The following LRRC4C variants were observed in gnomAD, a reference collection of about 807,000 sequenced individuals.
LRRC4C encodes leucine-rich repeat-containing protein 4C.
Under a neutral mutation model 33.6 loss-of-function variants are expected in LRRC4C, and 5 were observed. The observed-to-expected ratio is 0.15, with a 90% CI of 0.08 to 0.31. The LOEUF is 0.31. LRRC4C is among the 10% of genes least tolerant of loss of function. The pLI, the probability that LRRC4C is intolerant of heterozygous loss-of-function variation, is 1.00. For missense variants in LRRC4C, 560 were observed against 796.7 expected (o/e 0.70, Z 3.58); for synonymous variants, 329 against 302.0 (o/e 1.09, Z -0.93).
intron 1 of LRRC4C, among the ~76,000 whole-genome samples, chr11:41,266,788 G>A (rs1163368365): frequency 6.6e-6 from 1 of 152,138 alleles, no homozygotes; most frequent in Non-Finnish European, 1.5e-5. Context: ...GCTTGTAGGA[G>A]CAAGTCTCCC....
intron 1 of LRRC4C, among the ~76,000 whole-genome samples, chr11:41,100,096 T>C (rs969171059): frequency 6.6e-6 from 1 of 151,852 alleles, no homozygotes; most frequent in East Asian, 1.9e-4. Context: ...CCATTCACAA[T>C]TGCTACAAAA....
intron 3 of LRRC4C, among the ~76,000 whole-genome samples, chr11:40,543,913 T>C (rs1409648788): frequency 6.6e-6 from 1 of 152,088 alleles, no homozygotes; most frequent in Non-Finnish European, 1.5e-5. Context: ...TTTTATTTAT[T>C]TGAGAGTCCT....
intron 1 of LRRC4C, among the ~76,000 whole-genome samples, chr11:41,154,406 G>A (rs907726014): frequency 1.6e-4 from 24 of 151,776 alleles, no homozygotes; most frequent in East Asian, 1.9e-4. Context: ...ATAATAATTG[G>A]TATTTAGTTC....
At chr11:40,300,873 C>T (rs1416127682) in intron 4 of LRRC4C, among the ~76,000 whole-genome samples, 2 of 152,172 alleles carry the variant, frequency 1.3e-5, no homozygotes, top group South Asian at 2.1e-4. Context: ...ACAATCCTGG[C>T]TCACTACAGC....
chr11:41,250,742 T>A (rs934018513), intron 1 of LRRC4C, among the ~76,000 whole-genome samples: 5 of 152,200 alleles, frequency 3.3e-5, no homozygotes, highest in African/African-American at 7.2e-5. Flanking sequence ...CTCAAATTAA[T>A]GGCTCTGCTA....
chr11:40,860,011 G>A (rs1416233259), intron 2 of LRRC4C, among the ~76,000 whole-genome samples: 2 of 151,892 alleles, frequency 1.3e-5, no homozygotes, highest in Non-Finnish European at 2.9e-5. Context: ...GCGTGAACCC[G>A]GGAGGCGGAG....
intron 1 of LRRC4C, among the ~76,000 whole-genome samples, chr11:41,106,450 GA>G (rs34895102): frequency 0.44 from 64,950 of 146,610 alleles, 14,403 homozygotes; most frequent in South Asian, 0.6. Context: ...ATTTATCTAT[GA>G]AAAAAAAAAA....
intron 1 of LRRC4C, among the ~76,000 whole-genome samples, chr11:41,181,967 C>T (rs547098821): frequency 6.6e-6 from 1 of 152,096 alleles, no homozygotes; most frequent in Non-Finnish European, 1.5e-5. Context: ...ATTCCAGCAG[C>T]CATTAAAACT....
At chr11:40,898,453 TGA>T (rs1042508041) in intron 2 of LRRC4C, among the ~76,000 whole-genome samples, 9 of 151,720 alleles carry the variant, frequency 5.9e-5, no homozygotes, top group African/African-American at 2.2e-4. Context: ...CAGTTGTGCC[TGA>T]GATTGGTAAA....
At chr11:40,784,428 C>G (rs1433918524) in intron 2 of LRRC4C, among the ~76,000 whole-genome samples, 8 of 152,116 alleles carry the variant, frequency 5.3e-5, no homozygotes, top group African/African-American at 1.9e-4. Context: ...TGGGAAAGAG[C>G]TTGGAAAAGC....
intron 1 of LRRC4C, among the ~76,000 whole-genome samples, chr11:41,241,826 CT>C (rs1401393311): frequency 6.6e-6 from 1 of 152,152 alleles, no homozygotes. Context: ...TCTTTTCTCT[CT>C]GTTGTGCTCA....
intron 4 of LRRC4C, among the ~76,000 whole-genome samples, chr11:40,302,765 G>A (rs1944835706): frequency 6.6e-6 from 1 of 152,216 alleles, no homozygotes; most frequent in Non-Finnish European, 1.5e-5. Flanking sequence ...TCATTTCCCA[G>A]ACACACTTAT....
chr11:40,797,347 G>A (rs1025359426), intron 2 of LRRC4C, among the ~76,000 whole-genome samples: 2 of 152,080 alleles, frequency 1.3e-5, no homozygotes, highest in Non-Finnish European at 2.9e-5. Flanking sequence ...GCATCTGAGA[G>A]AAGAGATCCT....
intron 1 of LRRC4C, among the ~76,000 whole-genome samples, chr11:41,379,163 C>A (rs111365363): frequency 5.3e-5 from 8 of 152,216 alleles, no homozygotes; most frequent in Non-Finnish European, 1.2e-4. Flanking sequence ...GTGGAGCTCA[C>A]CTCTTTTGGA....
chr11:41,314,591 T>C (rs1332332592), intron 1 of LRRC4C, among the ~76,000 whole-genome samples: 2 of 152,078 alleles, frequency 1.3e-5, no homozygotes, highest in South Asian at 2.1e-4. Context: ...TAGGTGGGAA[T>C]TGAACAATGA....
intron 1 of LRRC4C, among the ~76,000 whole-genome samples, chr11:41,416,874 T>C (rs527318490): frequency 6.6e-6 from 1 of 152,164 alleles, no homozygotes; most frequent in East Asian, 1.9e-4. Context: ...TTGAGGTGTT[T>C]TCATTTCTGA....
intron 1 of LRRC4C, among the ~76,000 whole-genome samples, chr11:40,967,503 C>T (rs1851446125): frequency 6.6e-6 from 1 of 152,036 alleles, no homozygotes; most frequent in Non-Finnish European, 1.5e-5. Context: ...ACAAATCTAT[C>T]AGTACCATTT....
intron 6 of LRRC4C, among the ~76,000 whole-genome samples, chr11:40,132,441 A>G (rs1299898886): frequency 2.0e-5 from 3 of 152,182 alleles, no homozygotes; most frequent in African/African-American, 7.2e-5. Flanking sequence ...ATTTGTGGCA[A>G]TGTATGAATC....
chr11:40,737,759 T>C (rs926149012), intron 2 of LRRC4C, among the ~76,000 whole-genome samples: 1 of 152,142 alleles, frequency 6.6e-6, no homozygotes, highest in Admixed American at 6.6e-5. Context: ...TGTTCATGGA[T>C]ATGAAGAATC....
Sources: allele counts gnomAD v4.1 joint callset (sites outside exome capture counted in the v4.1 genomes callset), GRCh38; gene constraint gnomAD v4.1.1; transcripts MANE v1.5; gene names NCBI Gene and HGNC (gene_info 2026-07-23, HGNC 2026-07-21).